Variants in EPHA8 observed in about 807,000 individuals in gnomAD.
EPHA8 encodes the protein ephrin type-A receptor 8.
A neutral mutation model predicts 103.6 loss-of-function variants in EPHA8; 58 were observed. The observed-to-expected ratio is 0.56, with a 90% CI of 0.45 to 0.70. The LOEUF (loss-of-function observed/expected upper bound fraction) is 0.70, where lower values mean the gene tolerates loss of function less well. Ranked by LOEUF, EPHA8 falls within the 30% of genes least tolerant of loss-of-function variation. The probability of loss-of-function intolerance (pLI) is 0.00; values close to 1 mark genes in which losing one functional copy is unlikely to be tolerated. For missense variants in EPHA8, 1,304 were observed against 1,395.2 expected (o/e 0.93, Z 1.04); for synonymous variants, 559 against 572.5 (o/e 0.98, Z 0.34).
chr1:22,600,661 G>T lies in EPHA8; in HGVS notation c.2389G>T (p.Gly797Cys). ...DDPDAAYTTT[G>C]GKIPIRWTAP... The stretch of plus-strand genomic sequence containing the variant: ...CTCAACTCTTGTGTGTCCGTCGCAG[G>T]GCGGGAAGATCCCCATCCGCTGGAC... Residue 797 changes from glycine to cysteine, a missense_variant and splice_region_variant, in exon 14 of 17, where the codon GGC becomes TGC. Coordinates refer to ENST00000166244, the MANE Select transcript of EPHA8 (RefSeq NM_020526.5). 6.2e-7 allele frequency: 1 copy of T among 1,613,170 alleles called. No individual in the cohort carries two copies. Among genetic ancestry groups the T allele is most frequent in the East Asian group, 2.2e-5 (1 of 44,860 alleles).
intron 1 of EPHA8, among the ~76,000 whole-genome samples, chr1:22,568,429 A>G (rs1640429012): frequency 6.6e-6 from 1 of 152,058 alleles, no homozygotes; most frequent in Non-Finnish European, 1.5e-5. Flanking sequence ...GCATCCAGGG[A>G]TGGTGGATGG....
At position 22,600,679 on chromosome 1, in the gene EPHA8, C is replaced by T. The variant is rs769507116; in HGVS notation, c.2407C>T (p.Arg803Cys). The T allele has an allele frequency of 1.8e-5, 29 of 1,613,464 alleles. No individual in the cohort carries two copies. Among genetic ancestry groups the T allele is most frequent in the East Asian group, 4.5e-5 (2 of 44,862 alleles). ...GTCGCAGGGCGGGAAGATCCCCATC[C>T]GCTGGACGGCCCCAGAGGCCATCGC... ...YTTTGGKIPI[R>C]WTAPEAIAFR... The change falls in exon 14 of 17, where the codon CGC becomes TGC. Residue 803 changes from arginine to cysteine, a missense_variant. Transcript: ENST00000166244.
At chr1:22,579,098 T>TGTGTATGTGTGCATGTGTAC (rs1469899421) in intron 3 of EPHA8, among the ~76,000 whole-genome samples, 1 of 134,688 alleles carries the variant, frequency 7.4e-6, no homozygotes, top group South Asian at 2.1e-4. Flanking sequence ...CATGTGTGCA[T>TGTGTATGTGTGCATGTGTAC]GTGTATGTGT....
chr1:22,590,227 G>A (rs1338436203), intron 5 of EPHA8, among the ~76,000 whole-genome samples: 1 of 152,182 alleles, frequency 6.6e-6, no homozygotes, highest in Non-Finnish European at 1.5e-5. Context: ...TGGCCCACCT[G>A]TCTCTAGGCA....
chr1:22,590,745 A>C (rs1394480619), intron 5 of EPHA8, among the ~76,000 whole-genome samples: 1 of 149,770 alleles, frequency 6.7e-6, no homozygotes, highest in Non-Finnish European at 1.5e-5. Flanking sequence ...AGGGCCCATG[A>C]CTTTGAATTC....
At chr1:22,594,133 A>G (rs1379784090) in intron 7 of EPHA8, among the ~76,000 whole-genome samples, 1 of 151,558 alleles carries the variant, frequency 6.6e-6, no homozygotes, top group African/African-American at 2.4e-5. Flanking sequence ...TGCCAGCCTA[A>G]TTTTTTTGTG....
intron 1 of EPHA8, among the ~76,000 whole-genome samples, chr1:22,564,659 C>T (rs1640304624): frequency 6.6e-6 from 1 of 152,022 alleles, no homozygotes. Flanking sequence ...GCCTGCCACC[C>T]ACACACCCGT....
intron 13 of EPHA8, 147 bp from the exon 14 acceptor site, chr1:22,600,514 C>G (rs1284214320): frequency 1.8e-6 from 2 of 1,122,794 alleles, no homozygotes; most frequent in East Asian, 4.9e-5. Flanking sequence ...AGGCCTCCCT[C>G]AGGACAGGTG....
chr1:22,593,325 G>A lies in EPHA8; in HGVS notation c.1316-1G>A. On this transcript the variant is annotated splice_acceptor_variant, in intron 5 of 16. Transcript: ENST00000166244. LOFTEE classifies it high-confidence loss of function. ...CCATCTGACGGGATTGGCCGCCCCA[G>A]CCCCGTCCCAGGTGGTGGTGATCCG... 6.4e-7 allele frequency: 1 copy of A among 1,562,704 alleles called. No individual in the cohort carries two copies. The highest frequency in any genetic ancestry group is 1.3e-5 in the African/African-American group (1 of 74,294).
intron 3 of EPHA8, among the ~76,000 whole-genome samples, chr1:22,579,038 T>C (rs1640937185): frequency 1.4e-5 from 2 of 143,376 alleles, no homozygotes; most frequent in Non-Finnish European, 3.0e-5. Context: ...TATGTATGCA[T>C]GTGTGTGCAT....
Position 22,576,422 on chromosome 1 carries a change from T to A in EPHA8, c.365T>A (p.Phe122Tyr). 1 of 1,613,892 alleles carries A rather than the reference T, an allele frequency of 6.2e-7. No individual in the cohort carries two copies. The highest frequency in any genetic ancestry group is 8.5e-7 in the Non-Finnish European group (1 of 1,180,026). The change falls in exon 3 of 17, where the codon TTC becomes TAC. Residue 122 changes from phenylalanine (F) to tyrosine (Y), a missense_variant. Coordinates refer to ENST00000166244, the MANE Select transcript of EPHA8 (RefSeq NM_020526.5). This position sits in a 1 kb window ranked among gnomAD's most constrained non-coding sequence, Gnocchi z 4.8. Reference sequence around the variant, plus strand: ...GTGCTGGGCACCTGCAAGGAGACCTTCAACCTCTACTACCTGGAGTCGGAC... The same window carrying A: ...GTGCTGGGCACCTGCAAGGAGACCTACAACCTCTACTACCTGGAGTCGGAC... ...PGVLGTCKET[F>Y]NLYYLESDRD...
At chr1:22,584,864 A>G (rs573593135) in intron 3 of EPHA8, among the ~76,000 whole-genome samples, 2 of 152,326 alleles carry the variant, frequency 1.3e-5, no homozygotes, top group East Asian at 3.9e-4. Flanking sequence ...GTTCTGGGAC[A>G]TTGAGATGAA....
At chr1:22,578,555 G>T (rs1489759320) in intron 3 of EPHA8, among the ~76,000 whole-genome samples, 1 of 144,526 alleles carries the variant, frequency 6.9e-6, no homozygotes, top group East Asian at 2.2e-4. Context: ...GCGTGAGTGT[G>T]CACATTTGTT....
intron 2 of EPHA8, among the ~76,000 whole-genome samples, chr1:22,573,664 C>T (rs1640605007): frequency 6.6e-6 from 1 of 152,196 alleles, no homozygotes; most frequent in Non-Finnish European, 1.5e-5. Context: ...CCTCCCTCTG[C>T]CCTCATCCTC....
intron 9 of EPHA8, among the ~76,000 whole-genome samples, chr1:22,596,900 C>T (rs1306708380): frequency 2.0e-5 from 3 of 152,126 alleles, no homozygotes; most frequent in South Asian, 2.1e-4. Context: ...TCAAGTGATC[C>T]GCCCGCCTCG....
chr1:22,574,987 G>A (rs559161490), intron 2 of EPHA8, among the ~76,000 whole-genome samples: 1 of 152,084 alleles, frequency 6.6e-6, no homozygotes, highest in Non-Finnish European at 1.5e-5. Flanking sequence ...GTCTCGCTCT[G>A]TTGCTCAGGC....
In EPHA8 at chr1:22,603,448, G is replaced by A. The variant is rs1179223308; in HGVS notation, c.*1707G>A. 6.6e-6 allele frequency: 1 copy of A among 152,228 alleles called. No individual in the cohort carries two copies. Among genetic ancestry groups the A allele is most frequent in the Admixed American group, 6.6e-5 (1 of 15,248 alleles). 9.4% of individuals were successfully genotyped at this position (152,228 alleles called of 1,614,324 possible). A position where few individuals can be genotyped will look rare whatever the true frequency, so the allele number is the denominator to read the frequency against. ...TGGGCTCTGGATCCTCACAGTCATG[G>A]AGGCACCGTGGGCCTGGCACTTGCA... On this transcript the variant is annotated 3_prime_UTR_variant, in exon 17 of 17. Coordinates refer to ENST00000166244, the MANE Select transcript of EPHA8 (RefSeq NM_020526.5).
intron 3 of EPHA8, among the ~76,000 whole-genome samples, chr1:22,578,190 ATGT>A (rs1640823541): frequency 2.6e-5 from 1 of 38,352 alleles, no homozygotes; most frequent in Non-Finnish European, 5.4e-5. Context: ...GTGTGCGTGC[ATGT>A]GTGTGCGTGC....
chr1:22,580,884 G>C (rs1009702225), intron 3 of EPHA8, among the ~76,000 whole-genome samples: 2 of 152,168 alleles, frequency 1.3e-5, no homozygotes, highest in African/African-American at 4.8e-5. Context: ...CGTCTCCCTA[G>C]CCTGCCCCAG....
Sources: allele counts gnomAD v4.1 joint callset (sites outside exome capture counted in the v4.1 genomes callset), GRCh38; gene constraint gnomAD v4.1.1; non-coding constraint Gnocchi (gnomAD v3.1); transcripts MANE v1.5; gene names NCBI Gene and HGNC (gene_info 2026-07-23, HGNC 2026-07-21).